MALL: variants seen among roughly 807,000 people sequenced by gnomAD.
MALL encodes mal, T cell differentiation protein like, also known as MAL-like protein.
Under a neutral mutation model 10.3 loss-of-function variants are expected in MALL, and 2 were observed. That is an observed-to-expected ratio of 0.19 (90% CI 0.08 to 0.61). MALL has a LOEUF of 0.61. Ranked by LOEUF, MALL falls within the 20% of genes least tolerant of loss-of-function variation. The probability of loss-of-function intolerance (pLI) is 0.88; values close to 1 mark genes in which losing one functional copy is unlikely to be tolerated. For synonymous variants in MALL, 27 were observed against 51.8 expected, an observed-to-expected ratio of 0.52 and a Z score of 2.05; for missense variants, 39 against 115.2, an observed-to-expected ratio of 0.34 and a Z score of 3.03.
chr2:110,098,059 G>A (rs1173818960), intron 1 of MALL, among the ~76,000 whole-genome samples: 2 of 151,892 alleles, frequency 1.3e-5, no homozygotes, highest in African/African-American at 2.4e-5. Flanking sequence ...CGTTGCCCAC[G>A]GCGGGAACCT....
At chr2:110,102,187 C>T (rs1678585669) in intron 1 of MALL, among the ~76,000 whole-genome samples, 1 of 152,152 alleles carries the variant, frequency 6.6e-6, no homozygotes, top group South Asian at 2.1e-4. Context: ...CTTCATTAGG[C>T]ACCGGGTCAC....
intron 1 of MALL, 33 bp from the exon 2 acceptor site, chr2:110,091,803 A>C (rs1470540553): frequency 1.3e-6 from 2 of 1,540,210 alleles, no homozygotes; most frequent in Non-Finnish European, 1.7e-6. Context: ...AAGGGGCTTC[A>C]TTAGCTAGTG....
chr2:110,112,557 G>T lies in MALL; in HGVS notation c.105+3131C>A, dbSNP rs374552999. ...AAACCACCTTACTCCTGCAAGAATG[G>T]CCATAATCAAAAAATCAAAAAAAAA... On this transcript the variant is annotated intron_variant, in intron 1 of 3. Coordinates refer to ENST00000272462, the MANE Select transcript of MALL (RefSeq NM_005434.5). 2.6e-4 allele frequency among the ~76,000 whole-genome samples: 39 copies of T among 151,920 alleles called. No individual in the cohort carries two copies. In the East Asian group the frequency reaches 6.8e-3, roughly 26 times the overall value.
intron 1 of MALL, among the ~76,000 whole-genome samples, chr2:110,104,407 C>G (rs557037456): frequency 5.9e-4 from 90 of 152,262 alleles, no homozygotes; most frequent in African/African-American, 2.1e-3. Flanking sequence ...TGGCTGTTCT[C>G]CACCGCCCTC....
intron 1 of MALL, among the ~76,000 whole-genome samples, chr2:110,095,598 T>A (rs1678423617): frequency 6.6e-6 from 1 of 151,618 alleles, no homozygotes; most frequent in African/African-American, 2.4e-5. Context: ...TAAAAAAAAA[T>A]ATTGTCAAAT....
upstream of MALL, chr2:110,115,892 G>GC: frequency 2.5e-6 from 1 of 404,374 alleles, no homozygotes; most frequent in Non-Finnish European, 4.0e-6. Flanking sequence ...CGCCTGGGAG[G>GC]GAAAAAAAAA....
At chr2:110,113,110 G>A (rs1300480639) in intron 1 of MALL, among the ~76,000 whole-genome samples, 1 of 151,754 alleles carries the variant, frequency 6.6e-6, no homozygotes, top group Non-Finnish European at 1.5e-5. Flanking sequence ...TGGGGACTTG[G>A]GGAGAAGAGT....
At chr2:110,104,451 T>G (rs573619680) in intron 1 of MALL, among the ~76,000 whole-genome samples, 1 of 152,188 alleles carries the variant, frequency 6.6e-6, no homozygotes, top group Non-Finnish European at 1.5e-5. Context: ...AGGGGCCATG[T>G]CTGTCTTGTT....
chr2:110,113,628 C>T (rs1166304440), intron 1 of MALL, among the ~76,000 whole-genome samples: 1 of 151,892 alleles, frequency 6.6e-6, no homozygotes, highest in Non-Finnish European at 1.5e-5. Flanking sequence ...AATCAGTACT[C>T]TTCAGAAGTG....
chr2:110,096,710 T>TACAC (rs61332655), intron 1 of MALL, among the ~76,000 whole-genome samples: 2,131 of 140,936 alleles, frequency 0.015, 49 homozygotes, highest in African/African-American at 0.047. Context: ...AAAATGTACC[T>TACAC]ACACACACAC....
At chr2:110,098,306 A>G (rs1380858521) in intron 1 of MALL, among the ~76,000 whole-genome samples, 2 of 152,006 alleles carry the variant, frequency 1.3e-5, no homozygotes, top group East Asian at 3.8e-4. Flanking sequence ...TTGTGCACCC[A>G]TCACCACCAT....
intron 1 of MALL, among the ~76,000 whole-genome samples, chr2:110,106,310 G>A (rs1015421419): frequency 5.3e-5 from 8 of 152,072 alleles, no homozygotes; most frequent in Admixed American, 2.6e-4. Context: ...GAGTCACCTC[G>A]TATCATACAG....
upstream of MALL, among the ~76,000 whole-genome samples, chr2:110,117,440 A>G (rs1452250426): frequency 6.6e-6 from 1 of 152,118 alleles, no homozygotes; most frequent in African/African-American, 2.4e-5. Context: ...TTAAGCTGAG[A>G]GGCCCTGAGC....
chr2:110,117,294 A>G (rs569801673), upstream of MALL, among the ~76,000 whole-genome samples: 13 of 152,270 alleles, frequency 8.5e-5, no homozygotes, highest in African/African-American at 3.1e-4. Context: ...CCACTCTTAC[A>G]GGCTGTAGGA....
At chr2:110,099,902 T>A (rs1354629145) in intron 1 of MALL, among the ~76,000 whole-genome samples, 3 of 151,972 alleles carry the variant, frequency 2.0e-5, no homozygotes, top group African/African-American at 7.2e-5. Flanking sequence ...GATAGTGCAT[T>A]TCCCTTCTGT....
intron 1 of MALL, among the ~76,000 whole-genome samples, chr2:110,105,707 G>A (rs1678672400): frequency 6.6e-6 from 1 of 152,202 alleles, no homozygotes; most frequent in African/African-American, 2.4e-5. Context: ...TTCTCCTCCT[G>A]GAAAACTCAA....
At chr2:110,114,319 A>G (rs2104396993) in intron 1 of MALL, among the ~76,000 whole-genome samples, 1 of 152,034 alleles carries the variant, frequency 6.6e-6, no homozygotes, top group African/African-American at 2.4e-5. Context: ...AATGCTCATG[A>G]GTCTCTTCCC....
At chr2:110,110,620 C>T (rs1373681765) in intron 1 of MALL, among the ~76,000 whole-genome samples, 1 of 152,008 alleles carries the variant, frequency 6.6e-6, no homozygotes, top group Non-Finnish European at 1.5e-5. Flanking sequence ...TGGATTCGCA[C>T]CAGAATTCTA....
intron 1 of MALL, among the ~76,000 whole-genome samples, chr2:110,100,515 T>A (rs1465464642): frequency 6.6e-6 from 1 of 151,552 alleles, no homozygotes; most frequent in African/African-American, 2.4e-5. Flanking sequence ...GGATGTAAAG[T>A]TTAGGAGCGT....
Sources: gnomAD v4.1 joint callset for allele counts (sites outside exome capture counted in the v4.1 genomes callset) on GRCh38, gnomAD v4.1.1 for gene constraint, MANE v1.5 for transcripts, NCBI Gene and HGNC (gene_info 2026-07-23, HGNC 2026-07-21) for gene names.